Variants in GALNT13 observed in about 807,000 individuals in gnomAD.
GALNT13 encodes the protein UDP-GalNAc:polypeptide N-acetylgalactosaminyltransferase 13.
A neutral mutation model predicts 64.2 loss-of-function variants in GALNT13; 28 were observed. The observed-to-expected ratio is 0.44, with a 90% CI of 0.32 to 0.60. GALNT13 has a LOEUF of 0.60. Among genes scored for constraint, GALNT13 ranks in the 20% least tolerant of loss-of-function variants. The pLI is 0.05. For missense variants in GALNT13, 577 were observed against 669.8 expected, an observed-to-expected ratio of 0.86 and a Z score of 1.53; for synonymous variants, 214 against 224.6, an observed-to-expected ratio of 0.95 and a Z score of 0.42.
chr2:154,188,291 G>A (rs1479820357), intron 4 of GALNT13, among the ~76,000 whole-genome samples: 2 of 152,090 alleles, frequency 1.3e-5, no homozygotes, highest in African/African-American at 2.4e-5. Context: ...CTGAGTACAA[G>A]GTGTCAACAG....
At chr2:154,215,370 A>G (rs1573892754) in intron 4 of GALNT13, among the ~76,000 whole-genome samples, 2 of 151,914 alleles carry the variant, frequency 1.3e-5, no homozygotes, top group South Asian at 4.1e-4. Context: ...CTCTTGCTTT[A>G]TTTGCATAAT....
At chr2:154,125,396 A>G (rs1490670888) in intron 3 of GALNT13, among the ~76,000 whole-genome samples, 4 of 152,196 alleles carry the variant, frequency 2.6e-5, no homozygotes. Flanking sequence ...TCACAAATAG[A>G]GGCAGGCAAA....
the GALNT13 span, among the ~76,000 whole-genome samples, chr2:153,222,354 A>G: frequency 1.3e-4 from 3 of 23,148 alleles, no homozygotes; most frequent in Admixed American, 6.1e-4. Context: ...TTGGGCTTAT[A>G]GGCTTAGAAG....
At chr2:153,793,008 G>A in the GALNT13 span, among the ~76,000 whole-genome samples, 1 of 121,074 alleles carries the variant, frequency 8.3e-6, no homozygotes, top group Non-Finnish European at 1.6e-5. Context: ...GTCTCACTCT[G>A]TTGCCCAGGC....
At chr2:153,668,196 C>T in the GALNT13 span, among the ~76,000 whole-genome samples, 1 of 151,956 alleles carries the variant, frequency 6.6e-6, no homozygotes, top group African/African-American at 2.4e-5. Context: ...AGTATTAGAC[C>T]ATTTAGACAG....
chr2:154,145,508 G>T (rs1269762401), intron 4 of GALNT13, among the ~76,000 whole-genome samples: 1 of 151,886 alleles, frequency 6.6e-6, no homozygotes, highest in East Asian at 1.9e-4. Flanking sequence ...AACACTTCAA[G>T]GGCTGGTATT....
chr2:154,301,346 CT>C, intron 8 of GALNT13, 62 bp from the exon 9 acceptor site: 1 of 1,353,764 alleles, frequency 7.4e-7, no homozygotes, highest in Non-Finnish European at 1.0e-6. Context: ...TTGGCCTAAG[CT>C]TCAGTTGCTT....
the GALNT13 span, among the ~76,000 whole-genome samples, chr2:153,615,771 T>A: frequency 6.6e-6 from 1 of 152,112 alleles, no homozygotes; most frequent in Non-Finnish European, 1.5e-5. Flanking sequence ...TTGTCCATTT[T>A]AAAAATCAGA....
At chr2:153,952,207 A>G (rs1692238478) in intron 3 of GALNT13, among the ~76,000 whole-genome samples, 1 of 152,188 alleles carries the variant, frequency 6.6e-6, no homozygotes, top group Non-Finnish European at 1.5e-5. Flanking sequence ...CAATGATGCC[A>G]CAGTGCACCT....
chr2:153,723,036 T>C, the GALNT13 span, among the ~76,000 whole-genome samples: 41 of 152,068 alleles, frequency 2.7e-4, no homozygotes, highest in Non-Finnish European at 5.4e-4. Context: ...TTGATGAACA[T>C]TGATGCAAAA....
chr2:153,555,074 T>C, the GALNT13 span, among the ~76,000 whole-genome samples: 2 of 152,136 alleles, frequency 1.3e-5, no homozygotes, highest in African/African-American at 4.8e-5. Context: ...TAAAAAATAA[T>C]TCATTTTATG....
chr2:154,312,998 CG>C (rs1559084683), intron 9 of GALNT13, among the ~76,000 whole-genome samples: 1 of 151,654 alleles, frequency 6.6e-6, no homozygotes, highest in East Asian at 1.9e-4. Context: ...AATAAGCAGA[CG>C]GTATAAATAT....
At chr2:154,320,621 T>A (rs1291469228) in intron 9 of GALNT13, among the ~76,000 whole-genome samples, 1 of 152,132 alleles carries the variant, frequency 6.6e-6, no homozygotes, top group Admixed American at 6.5e-5. Context: ...AGCATAAAAG[T>A]TGTGTTTTAT....
chr2:153,474,871 G>T, the GALNT13 span, among the ~76,000 whole-genome samples: 1 of 104,474 alleles, frequency 9.6e-6, no homozygotes, highest in Non-Finnish European at 2.1e-5. Flanking sequence ...AGTGTGGCAT[G>T]GTAGAACCTG....
chr2:154,032,282 T>C (rs1021002134), intron 3 of GALNT13, among the ~76,000 whole-genome samples: 4 of 152,114 alleles, frequency 2.6e-5, no homozygotes, highest in African/African-American at 9.6e-5. Flanking sequence ...TAGTCCTGTT[T>C]GTATTTAAAA....
At chr2:153,403,952 C>T in the GALNT13 span, among the ~76,000 whole-genome samples, 2 of 152,182 alleles carry the variant, frequency 1.3e-5, no homozygotes, top group Non-Finnish European at 2.9e-5. Context: ...TTGGCTCCTC[C>T]AGGTGAACAG....
At chr2:153,609,482 G>A in the GALNT13 span, among the ~76,000 whole-genome samples, 1 of 152,024 alleles carries the variant, frequency 6.6e-6, no homozygotes, top group Non-Finnish European at 1.5e-5. Flanking sequence ...TCATTTCTCT[G>A]CTTAAAAGTA....
At chr2:154,026,776 A>T (rs1697996291) in intron 3 of GALNT13, among the ~76,000 whole-genome samples, 1 of 152,156 alleles carries the variant, frequency 6.6e-6, no homozygotes, top group South Asian at 2.1e-4. Flanking sequence ...CAACCTATGA[A>T]TGAATTTGGG....
At chr2:154,111,156 C>T (rs938653309) in intron 3 of GALNT13, among the ~76,000 whole-genome samples, 1 of 152,188 alleles carries the variant, frequency 6.6e-6, no homozygotes, top group Non-Finnish European at 1.5e-5. Flanking sequence ...CTACCTTCTC[C>T]TACTACCCAT....
Sources: allele counts gnomAD v4.1 joint callset (sites outside exome capture counted in the v4.1 genomes callset), GRCh38; gene constraint gnomAD v4.1.1; transcripts MANE v1.5; gene names NCBI Gene and HGNC (gene_info 2026-07-23, HGNC 2026-07-21).